AUNIP: variants seen among roughly 807,000 people sequenced by gnomAD.
AUNIP encodes aurora kinase A and ninein interacting protein.
AUNIP carries 16 observed loss-of-function variants against 12.2 expected under a neutral mutation model. That is an observed-to-expected ratio of 1.31 (90% CI 0.88 to 1.99). AUNIP has a LOEUF of 1.99. AUNIP is among the 30% of genes most tolerant of loss of function. The probability of loss-of-function intolerance (pLI) is 0.00; values close to 1 mark genes in which losing one functional copy is unlikely to be tolerated. For missense variants in AUNIP, 411 were observed against 419.1 expected, an observed-to-expected ratio of 0.98 and a Z score of 0.17; for synonymous variants, 142 against 154.8, an observed-to-expected ratio of 0.92 and a Z score of 0.61.
Position 25,837,536 on chromosome 1 carries a change from C to G in AUNIP, c.97G>C (p.Gly33Arg). 6.2e-7 allele frequency: 1 copy of G among 1,612,996 alleles called. No homozygotes were observed. Among genetic ancestry groups the G allele is most frequent in the East Asian group, 2.2e-5 (1 of 44,864 alleles). Residue 33 changes from glycine to arginine, a missense_variant, in exon 2 of 3, where the codon GGC becomes CGC. Gly to Arg is a moderately radical substitution (Grantham distance 125). Transcript: ENST00000374298. ...GGAAGGAGTGTTAGCATTTTGGTGC[C>G]TGGTTTGATTAAATGTGTCTGAGAA... ...RKVQTHLIKP[G>R]TKMLTLLPGE...
In AUNIP at chr1:25,837,788, A is replaced by G. The variant is rs529093314; in HGVS notation, c.79-234T>C. On this transcript the variant is annotated intron_variant, in intron 1 of 2. Transcript: ENST00000374298. The stretch of plus-strand genomic sequence containing the variant: ...GATAGCCCAATCTTTCTGCTTCCCC[A>G]TGGAAATCAGGCTGACTAAACAAAC... Among the ~76,000 whole-genome samples, 6 of 152,320 alleles carry G rather than the reference A, an allele frequency of 3.9e-5. No individual in the cohort carries two copies. In the South Asian group the frequency reaches 1.2e-3, roughly 32 times the overall value.
chr1:25,846,897 T>C (rs2124507131), intron 1 of AUNIP, among the ~76,000 whole-genome samples: 1 of 152,372 alleles, frequency 6.6e-6, no homozygotes, highest in Admixed American at 6.5e-5. Flanking sequence ...CATATGGCTC[T>C]CTCGGTCACA....
intron 1 of AUNIP, among the ~76,000 whole-genome samples, chr1:25,842,111 G>GC (rs990121209): frequency 4.2e-4 from 64 of 152,304 alleles, no homozygotes; most frequent in African/African-American, 1.5e-3. Context: ...AGGAAGACAT[G>GC]CCCCAAGAGG....
chr1:25,835,865 A>G lies in AUNIP; in HGVS notation c.221-19T>C. ...GTCTTTCCTAATAAAACAGGAATGA[A>G]CAAATATTATTCTGCAGAAAAACTG... On this transcript the variant is annotated intron_variant, in intron 2 of 2. Transcript: ENST00000374298. 1.2e-6 allele frequency: 2 copies of G among 1,608,552 alleles called. No individual in the cohort carries two copies. The highest frequency in any genetic ancestry group is 1.7e-6 in the Non-Finnish European group (2 of 1,176,142).
intron 1 of AUNIP, among the ~76,000 whole-genome samples, chr1:25,841,912 T>C (rs901273182): frequency 3.3e-5 from 5 of 152,320 alleles, no homozygotes; most frequent in African/African-American, 1.2e-4. Context: ...TCAATAAATG[T>C]TGTGCATGTT....
intron 1 of AUNIP, among the ~76,000 whole-genome samples, chr1:25,858,826 T>A (rs1284266943): frequency 1.3e-5 from 2 of 152,174 alleles, no homozygotes. Context: ...TCTGGGCAGG[T>A]AGTTGGCCTG....
rs2048418866 is a variant in AUNIP at position 25,850,587 on chromosome 1, TC to T, written c.78+8692del. ...CTTTCCATTATTTACATTTTTAATT[TC>T]TTTCAATGAGTTTTATAGTTTCCAG... On this transcript the variant is annotated intron_variant, in intron 1 of 2. Coordinates refer to ENST00000374298, the MANE Select transcript of AUNIP (RefSeq NM_024037.3). Among the ~76,000 whole-genome samples the T allele has an allele frequency of 3.3e-5, 5 of 152,346 alleles. No individual in the cohort carries two copies. The South Asian group carries it at 1.0e-3, about 32-fold the overall frequency.
intron 1 of AUNIP, among the ~76,000 whole-genome samples, chr1:25,859,026 G>A (rs907678662): frequency 2.6e-5 from 4 of 151,836 alleles, no homozygotes; most frequent in African/African-American, 9.7e-5. Flanking sequence ...AACCTTCGCC[G>A]CCCCTCCCTG....
intron 1 of AUNIP, among the ~76,000 whole-genome samples, chr1:25,843,709 C>A (rs2048362435): frequency 6.7e-6 from 1 of 148,904 alleles, no homozygotes; most frequent in South Asian, 2.1e-4. Context: ...GATGACTTTG[C>A]AGTATTTAAG....
At chr1:25,849,790 T>C (rs1049277424) in intron 1 of AUNIP, among the ~76,000 whole-genome samples, 2 of 152,156 alleles carry the variant, frequency 1.3e-5, no homozygotes, top group African/African-American at 2.4e-5. Flanking sequence ...CCTGCCACCA[T>C]GCCTGGCTAA....
intron 1 of AUNIP, among the ~76,000 whole-genome samples, chr1:25,850,056 CAG>C (rs540178016): frequency 1.9e-4 from 29 of 152,008 alleles, no homozygotes; most frequent in Non-Finnish European, 2.9e-4. Context: ...AGTTTTTGTG[CAG>C]ACATACGTTT....
At position 25,834,641 on chromosome 1, in the gene AUNIP, C is replaced by A; in HGVS notation, c.*352G>T. The A allele has an allele frequency of 2.0e-6, 2 of 1,013,314 alleles. No individual in the cohort carries two copies. The highest frequency in any genetic ancestry group is 5.3e-5 in the Admixed American group (1 of 18,828). 62.8% of individuals were successfully genotyped at this position (1,013,314 alleles called of 1,614,324 possible). ...AAAAAAAAAAAAAAAAAAACACATC[C>A]ATAAGCAAGGTCCCAGTCAGACATC... On this transcript the variant is annotated 3_prime_UTR_variant, in exon 3 of 3. Coordinates refer to ENST00000374298, the MANE Select transcript of AUNIP (RefSeq NM_024037.3).
chr1:25,849,672 C>T (rs1281787592), intron 1 of AUNIP, among the ~76,000 whole-genome samples: 1 of 152,142 alleles, frequency 6.6e-6, no homozygotes, highest in East Asian at 1.9e-4. Flanking sequence ...CTTATTCTGT[C>T]ACCTAGGCTG....
intron 1 of AUNIP, among the ~76,000 whole-genome samples, chr1:25,854,564 A>T (rs879923590): frequency 4.1e-4 from 63 of 152,198 alleles, no homozygotes; most frequent in Admixed American, 4.1e-3. Context: ...TACATCTAAC[A>T]TACAATTTGG....
chr1:25,844,892 T>C (rs1385900471), intron 1 of AUNIP, among the ~76,000 whole-genome samples: 1 of 152,182 alleles, frequency 6.6e-6, no homozygotes, highest in Non-Finnish European at 1.5e-5. Flanking sequence ...GATGAAAACC[T>C]TTCTAGTCAG....
chr1:25,843,185 A>T (rs9787163), intron 1 of AUNIP, among the ~76,000 whole-genome samples: 66,617 of 124,626 alleles, frequency 0.53, 19,752 homozygotes, highest in East Asian at 0.92. Context: ...AAAAAAAAAA[A>T]ATATATATAT....
In AUNIP at chr1:25,856,612, T is replaced by C. The variant is rs145570471; in HGVS notation, c.78+2668A>G. Among the ~76,000 whole-genome samples, 764 of 151,430 alleles carry C rather than the reference T, an allele frequency of 5.0e-3. 8 individuals carry two copies. The highest frequency in any genetic ancestry group is 0.014 in the African/African-American group (588 of 41,240). Reference sequence around the variant, plus strand: ...ACTGCTTGAACCCAGGAGGTGGAGGTTGCAGTGAGCTGAGATCGCACCACT... The same window carrying C: ...ACTGCTTGAACCCAGGAGGTGGAGGCTGCAGTGAGCTGAGATCGCACCACT... On this transcript the variant is annotated intron_variant, in intron 1 of 2. Coordinates refer to ENST00000374298, the MANE Select transcript of AUNIP (RefSeq NM_024037.3).
At position 25,837,487 on chromosome 1, in the gene AUNIP, T is replaced by G; in HGVS notation, c.146A>C (p.Tyr49Ser). The G allele has an allele frequency of 6.2e-7, 1 of 1,613,978 alleles. No individual in the cohort carries two copies. Among genetic ancestry groups the G allele is most frequent in the Non-Finnish European group, 8.5e-7 (1 of 1,179,882 alleles). Residue 49 changes from tyrosine to serine, a missense_variant, in exon 2 of 3, where the codon TAT becomes TCT. Transcript: ENST00000374298. Reference sequence around the variant, plus strand: ...AGATGGAGCTCTTCTTTGAGTAAAATAAATATTAGCCTTTCTTTCTCCAGG... The same window carrying G: ...AGATGGAGCTCTTCTTTGAGTAAAAGAAATATTAGCCTTTCTTTCTCCAGG... ...LLPGERKANIYFTQRRAPSTG... is the reference protein window; with the variant it reads ...LLPGERKANISFTQRRAPSTG...
chr1:25,850,781 AT>A (rs34665456), intron 1 of AUNIP, among the ~76,000 whole-genome samples: 32,628 of 151,978 alleles, frequency 0.21, 3,774 homozygotes, highest in African/African-American at 0.27. Context: ...ATTTTTTCTA[AT>A]TTTTTTAAGT....
Sources: allele counts gnomAD v4.1 joint callset (sites outside exome capture counted in the v4.1 genomes callset), GRCh38; gene constraint gnomAD v4.1.1; transcripts MANE v1.5; gene names NCBI Gene and HGNC (gene_info 2026-07-23, HGNC 2026-07-21).